The following GRIN2A variants were observed in gnomAD, a reference collection of about 807,000 sequenced individuals.
GRIN2A encodes glutamate receptor ionotropic, NMDA 2A.
In GRIN2A, 22 loss-of-function variants were observed where a neutral mutation model predicts 113.4. That is an observed-to-expected ratio of 0.19 (90% CI 0.14 to 0.28). The LOEUF (loss-of-function observed/expected upper bound fraction) is 0.28, where lower values mean the gene tolerates loss of function less well. Among genes scored for constraint, GRIN2A ranks in the 10% least tolerant of loss-of-function variants. GRIN2A has a pLI of 1.00. For missense variants in GRIN2A, 1,502 were observed against 1,887.0 expected (o/e 0.80, Z 3.78); for synonymous variants, 827 against 738.4 (o/e 1.12, Z -1.94).
chr16:10,100,940 G>A (rs535486520), intron 2 of GRIN2A, among the ~76,000 whole-genome samples: 4 of 152,330 alleles, frequency 2.6e-5, no homozygotes, highest in East Asian at 1.9e-4. Context: ...ACTTGGATCC[G>A]ATCTGCCTTC....
intron 2 of GRIN2A, among the ~76,000 whole-genome samples, chr16:10,111,229 G>T (rs2048606634): frequency 1.3e-5 from 2 of 152,238 alleles, no homozygotes; most frequent in Admixed American, 6.5e-5. Flanking sequence ...CCATGAAAAT[G>T]ACCAAGGCAC....
intron 2 of GRIN2A, among the ~76,000 whole-genome samples, chr16:10,113,147 C>A (rs1443975904): frequency 6.6e-6 from 1 of 152,058 alleles, no homozygotes; most frequent in Admixed American, 6.5e-5. Flanking sequence ...GCGCCTGCCT[C>A]AGGTCTTTCT....
At chr16:9,936,202 G>T (rs1242629084) in intron 3 of GRIN2A, among the ~76,000 whole-genome samples, 1 of 152,152 alleles carries the variant, frequency 6.6e-6, no homozygotes, top group African/African-American at 2.4e-5. Context: ...GAAAGAAATT[G>T]CAAATTCTCT....
At chr16:10,007,944 T>C (rs1450546450) in intron 2 of GRIN2A, among the ~76,000 whole-genome samples, 1 of 152,222 alleles carries the variant, frequency 6.6e-6, no homozygotes, top group African/African-American at 2.4e-5. Flanking sequence ...CAAGTCATTC[T>C]ACCTCTTTGA....
intron 9 of GRIN2A, among the ~76,000 whole-genome samples, chr16:9,828,646 A>G (rs2315271): frequency 0.27 from 40,747 of 152,016 alleles, 5,629 homozygotes; most frequent in African/African-American, 0.31. Context: ...GGATGCACCC[A>G]GTTTACCTCT....
At chr16:10,111,808 C>T (rs1012803186) in intron 2 of GRIN2A, 6 of 1,333,860 alleles carry the variant, frequency 4.5e-6, no homozygotes, top group African/African-American at 4.3e-5. Flanking sequence ...CTCTTGCATC[C>T]TCATCACTGA....
At chr16:10,048,644 A>G (rs1196499257) in intron 2 of GRIN2A, among the ~76,000 whole-genome samples, 2 of 152,208 alleles carry the variant, frequency 1.3e-5, no homozygotes, top group African/African-American at 2.4e-5. Flanking sequence ...TCCAAACACT[A>G]ACATAGCCCA....
intron 2 of GRIN2A, among the ~76,000 whole-genome samples, chr16:10,096,958 C>A (rs1004290437): frequency 2.0e-5 from 3 of 152,178 alleles, no homozygotes; most frequent in Non-Finnish European, 2.9e-5. Flanking sequence ...GAGGCTATAG[C>A]ACGGGTGTTA....
chr16:9,935,512 T>TCACACACACACACACACACA (rs71157793), intron 3 of GRIN2A, among the ~76,000 whole-genome samples: 7 of 132,836 alleles, frequency 5.3e-5, no homozygotes, highest in Non-Finnish European at 6.4e-5. Context: ...GTCTACTTCA[T>TCACACACACACACACACACA]CACACACACA....
At chr16:9,930,817 G>C (rs1440434756) in intron 3 of GRIN2A, among the ~76,000 whole-genome samples, 1 of 152,168 alleles carries the variant, frequency 6.6e-6, no homozygotes, top group Non-Finnish European at 1.5e-5. Flanking sequence ...ATTAAACCAA[G>C]AATTTTTCCT....
chr16:10,018,369 T>C (rs1042511053), intron 2 of GRIN2A, among the ~76,000 whole-genome samples: 1 of 152,106 alleles, frequency 6.6e-6, no homozygotes, highest in Non-Finnish European at 1.5e-5. Context: ...GTTTCTGTGC[T>C]AGCACCAGAA....
intron 2 of GRIN2A, among the ~76,000 whole-genome samples, chr16:10,057,813 C>T (rs1735862880): frequency 6.6e-6 from 1 of 152,126 alleles, no homozygotes; most frequent in African/African-American, 2.4e-5. Context: ...GGGAGGGATA[C>T]CTATTTTTAG....
At chr16:9,793,543 A>G (rs957959713) in intron 11 of GRIN2A, among the ~76,000 whole-genome samples, 3 of 152,128 alleles carry the variant, frequency 2.0e-5, no homozygotes, top group African/African-American at 4.8e-5. Flanking sequence ...GGGACCAAGC[A>G]GAATCGAGGT....
intron 10 of GRIN2A, among the ~76,000 whole-genome samples, chr16:9,810,022 C>A (rs1008453060): frequency 2.0e-5 from 3 of 152,130 alleles, no homozygotes; most frequent in African/African-American, 7.2e-5. Context: ...GGGCCGAGAT[C>A]GCGCCGTTGC....
At chr16:10,129,383 C>A (rs1045331003) in intron 2 of GRIN2A, among the ~76,000 whole-genome samples, 4 of 141,684 alleles carry the variant, frequency 2.8e-5, no homozygotes, top group African/African-American at 1.0e-4. Context: ...AAAAAAAAAA[C>A]AAAACACTAA....
At chr16:9,886,432 A>C (rs945286955) in intron 4 of GRIN2A, among the ~76,000 whole-genome samples, 1 of 152,334 alleles carries the variant, frequency 6.6e-6, no homozygotes, top group East Asian at 1.9e-4. Context: ...ATATACATTC[A>C]TGGAGTTGCA....
chr16:10,058,750 C>G (rs981405853), intron 2 of GRIN2A, among the ~76,000 whole-genome samples: 4 of 152,226 alleles, frequency 2.6e-5, no homozygotes, highest in Middle Eastern at 3.2e-3. Context: ...CATTCATTTA[C>G]TCGCTCATTC....
chr16:10,098,120 G>A (rs1015582433), intron 2 of GRIN2A, among the ~76,000 whole-genome samples: 1 of 151,986 alleles, frequency 6.6e-6, no homozygotes, highest in South Asian at 2.1e-4. Flanking sequence ...AAACAAATTA[G>A]CAAGCCCAAA....
intron 2 of GRIN2A, among the ~76,000 whole-genome samples, chr16:10,067,719 A>G (rs946644678): frequency 2.6e-5 from 4 of 152,088 alleles, no homozygotes; most frequent in Non-Finnish European, 2.9e-5. Flanking sequence ...CAGTGGTTCT[A>G]TACTGGGGAC....
Sources: gnomAD v4.1 joint callset for allele counts (sites outside exome capture counted in the v4.1 genomes callset) on GRCh38, gnomAD v4.1.1 for gene constraint, MANE v1.5 for transcripts, NCBI Gene and HGNC (gene_info 2026-07-23, HGNC 2026-07-21) for gene names.